ADAMTS12: variants seen among roughly 807,000 people sequenced by gnomAD.
The protein encoded by ADAMTS12 is A disintegrin and metalloproteinase with thrombospondin motifs 12.
Under a neutral mutation model 167.8 loss-of-function variants are expected in ADAMTS12, and 118 were observed. That is an observed-to-expected ratio of 0.70 (90% confidence interval 0.61 to 0.82). The LOEUF (loss-of-function observed/expected upper bound fraction) is 0.82. Among genes scored for constraint, ADAMTS12 ranks in the 40% least tolerant of loss-of-function variants. The pLI is 0.00. For synonymous variants in ADAMTS12, 704 were observed against 716.9 expected, an observed-to-expected ratio of 0.98 and a Z score of 0.29; for missense variants, 1,916 against 1,998.8, an observed-to-expected ratio of 0.96 and a Z score of 0.79.
At chr5:33,870,951 C>A (rs2111734583) in intron 2 of ADAMTS12, among the ~76,000 whole-genome samples, 1 of 152,308 alleles carries the variant, frequency 6.6e-6, no homozygotes, top group East Asian at 1.9e-4. Flanking sequence ...GCCAGTTAAA[C>A]CCCTTTTCTT....
At chr5:33,777,179 G>A (rs1293875308) in intron 2 of ADAMTS12, among the ~76,000 whole-genome samples, 1 of 152,018 alleles carries the variant, frequency 6.6e-6, no homozygotes, top group Non-Finnish European at 1.5e-5. Context: ...ATCGTATGTG[G>A]CTACTATTAC....
At chr5:33,653,863 T>G (rs1259289441) in intron 7 of ADAMTS12, among the ~76,000 whole-genome samples, 1 of 152,180 alleles carries the variant, frequency 6.6e-6, no homozygotes, top group Non-Finnish European at 1.5e-5. Context: ...TTTGCAGAAT[T>G]TTCAGCCATT....
At chr5:33,625,343 T>C (rs1739534110) in intron 13 of ADAMTS12, among the ~76,000 whole-genome samples, 1 of 149,362 alleles carries the variant, frequency 6.7e-6, no homozygotes, top group African/African-American at 2.5e-5. Flanking sequence ...CTAATAACAA[T>C]GGGAAAAAAA....
At chr5:33,544,947 T>C (rs113918075) in intron 22 of ADAMTS12, among the ~76,000 whole-genome samples, 12,480 of 152,234 alleles carry the variant, frequency 0.082, 635 homozygotes, top group Non-Finnish European at 0.11. Context: ...GACATAGGCA[T>C]GGGCAAAGAC....
chr5:33,541,562 A>G (rs1344887080), intron 22 of ADAMTS12, among the ~76,000 whole-genome samples: 1 of 152,204 alleles, frequency 6.6e-6, no homozygotes, highest in African/African-American at 2.4e-5. Context: ...ATGAAGGAAA[A>G]AATGTTAAGG....
intron 13 of ADAMTS12, among the ~76,000 whole-genome samples, chr5:33,626,656 TGTG>T (rs146254713): frequency 0.14 from 20,463 of 147,384 alleles, 2,462 homozygotes; most frequent in East Asian, 0.61. Context: ...TTGGTGGTGA[TGTG>T]GTAATGGTGG....
intron 3 of ADAMTS12, among the ~76,000 whole-genome samples, chr5:33,715,874 C>T (rs11740622): frequency 2.5e-4 from 38 of 152,084 alleles, no homozygotes; most frequent in African/African-American, 8.9e-4. Flanking sequence ...GTCTAGCCAA[C>T]CCCACCCAAG....
intron 9 of ADAMTS12, among the ~76,000 whole-genome samples, chr5:33,646,326 T>C (rs1045151672): frequency 1.2e-4 from 19 of 152,184 alleles, no homozygotes; most frequent in African/African-American, 4.6e-4. Flanking sequence ...AATCTGGAGA[T>C]GCAAACCTAG....
At chr5:33,797,124 T>C (rs1452825519) in intron 2 of ADAMTS12, among the ~76,000 whole-genome samples, 1 of 152,162 alleles carries the variant, frequency 6.6e-6, no homozygotes, top group Non-Finnish European at 1.5e-5. Context: ...AACAAGAATG[T>C]GAACAAGCAA....
At chr5:33,689,288 A>G (rs1422757508) in intron 3 of ADAMTS12, among the ~76,000 whole-genome samples, 4 of 152,214 alleles carry the variant, frequency 2.6e-5, no homozygotes, top group African/African-American at 4.8e-5. Flanking sequence ...AGTAAGCAGC[A>G]GGACCAGCAT....
chr5:33,745,049 G>A (rs960259605), intron 3 of ADAMTS12, among the ~76,000 whole-genome samples: 1 of 152,124 alleles, frequency 6.6e-6, no homozygotes, highest in Non-Finnish European at 1.5e-5. Flanking sequence ...AACTCCTGGG[G>A]TCAGGTGATC....
intron 2 of ADAMTS12, among the ~76,000 whole-genome samples, chr5:33,788,818 T>G (rs1746428068): frequency 6.6e-6 from 1 of 152,212 alleles, no homozygotes; most frequent in African/African-American, 2.4e-5. Context: ...CATTCACCTT[T>G]GTTCTTCCCA....
At chr5:33,773,152 G>T (rs570640144) in intron 2 of ADAMTS12, among the ~76,000 whole-genome samples, 3 of 152,250 alleles carry the variant, frequency 2.0e-5, no homozygotes, top group African/African-American at 7.2e-5. Context: ...TTTCCAAGAA[G>T]TGCAACTGCT....
At chr5:33,664,761 AG>A (rs1263936551) in intron 5 of ADAMTS12, among the ~76,000 whole-genome samples, 1 of 152,188 alleles carries the variant, frequency 6.6e-6, no homozygotes, top group East Asian at 1.9e-4. Flanking sequence ...AATTAAAAAA[AG>A]AACTACCATA....
intron 3 of ADAMTS12, among the ~76,000 whole-genome samples, chr5:33,704,113 A>G (rs1743101814): frequency 6.6e-6 from 1 of 152,234 alleles, no homozygotes. Flanking sequence ...ATTCTACAGA[A>G]TGAGTTGTTG....
intron 2 of ADAMTS12, among the ~76,000 whole-genome samples, chr5:33,794,046 G>A (rs1477769814): frequency 6.6e-6 from 1 of 152,170 alleles, no homozygotes; most frequent in Non-Finnish European, 1.5e-5. Flanking sequence ...AATCCCTGTG[G>A]TGCCCAGCGG....
At chr5:33,691,410 A>G (rs1311407513) in intron 3 of ADAMTS12, among the ~76,000 whole-genome samples, 2 of 152,220 alleles carry the variant, frequency 1.3e-5, no homozygotes, top group East Asian at 3.8e-4. Flanking sequence ...TTTTCATATT[A>G]TAAGCCTGTC....
chr5:33,611,106 T>C (rs1181838238), intron 16 of ADAMTS12, among the ~76,000 whole-genome samples: 1 of 152,052 alleles, frequency 6.6e-6, no homozygotes, highest in Non-Finnish European at 1.5e-5. Context: ...AAGCATAATG[T>C]TGAGGGAAAA....
At chr5:33,835,467 A>G (rs1453711038) in intron 2 of ADAMTS12, among the ~76,000 whole-genome samples, 5 of 152,176 alleles carry the variant, frequency 3.3e-5, no homozygotes, top group Non-Finnish European at 7.3e-5. Context: ...AAATAACAGA[A>G]ATTTATTTCT....
Sources: gnomAD v4.1 joint callset for allele counts (sites outside exome capture counted in the v4.1 genomes callset) on GRCh38, gnomAD v4.1.1 for gene constraint, MANE v1.5 for transcripts, NCBI Gene and HGNC (gene_info 2026-07-23, HGNC 2026-07-21) for gene names.